RNF125: variants seen among roughly 807,000 people sequenced by gnomAD.
RNF125 encodes ring finger protein 125.
In RNF125, 21 loss-of-function variants were observed where a neutral mutation model predicts 26.0. That is an observed-to-expected ratio of 0.81 (90% CI 0.57 to 1.16). The LOEUF (loss-of-function observed/expected upper bound fraction) is 1.16. Ranked by LOEUF, RNF125 falls within the 50% of genes most tolerant of loss-of-function variation. The pLI, the probability that RNF125 is intolerant of heterozygous loss-of-function variation, is 0.00. For missense variants in RNF125, 270 were observed against 299.4 expected (o/e 0.90, Z 0.72); for synonymous variants, 95 against 109.2 (o/e 0.87, Z 0.81).
chr18:32,034,688 A>G (rs563605550), intron 1 of RNF125, among the ~76,000 whole-genome samples: 182 of 152,048 alleles, frequency 1.2e-3, no homozygotes, highest in African/African-American at 4.2e-3. Flanking sequence ...TGAGGCGGGC[A>G]GATCACTTGA....
chr18:32,079,627 TAA>T, the RNF125 span, among the ~76,000 whole-genome samples: 16 of 152,192 alleles, frequency 1.1e-4, no homozygotes, highest in Non-Finnish European at 2.4e-4. Context: ...ATCTGATAAA[TAA>T]GTTAGTGAAT....
intron 4 of RNF125, among the ~76,000 whole-genome samples, chr18:32,061,630 T>A (rs1183882447): frequency 6.6e-6 from 1 of 152,202 alleles, no homozygotes; most frequent in Non-Finnish European, 1.5e-5. Flanking sequence ...GCTGTGATGC[T>A]CCTCCCTGCT....
At chr18:32,035,027 A>C (rs2039139258) in intron 1 of RNF125, among the ~76,000 whole-genome samples, 1 of 152,150 alleles carries the variant, frequency 6.6e-6, no homozygotes, top group Non-Finnish European at 1.5e-5. Flanking sequence ...TGAATCTGTC[A>C]TTATGTCACT....
chr18:32,074,107 A>C (rs936836941), downstream of RNF125, among the ~76,000 whole-genome samples: 1 of 152,232 alleles, frequency 6.6e-6, no homozygotes, highest in Non-Finnish European at 1.5e-5. Flanking sequence ...CCCAAATCCC[A>C]GTGCTCACCC....
chr18:32,030,888 A>G (rs2039086935), intron 1 of RNF125: 1 of 151,988 alleles, frequency 6.6e-6, no homozygotes, highest in African/African-American at 2.4e-5. Flanking sequence ...TTTTTTAGAG[A>G]TGGGGGTCTC....
intron 4 of RNF125, among the ~76,000 whole-genome samples, chr18:32,052,535 A>C (rs2039339211): frequency 6.6e-6 from 1 of 151,120 alleles, no homozygotes; most frequent in African/African-American, 2.4e-5. Flanking sequence ...TTGTACCTTG[A>C]TTTTAATTAC....
At chr18:32,019,062 C>A in intron 1 of RNF125, 35 bp downstream of exon 1, 1 of 1,603,278 alleles carries the variant, frequency 6.2e-7, no homozygotes, top group Non-Finnish European at 8.5e-7. Context: ...GCGCCCACCC[C>A]TAAGGAGGGC....
At chr18:32,085,945 A>G in the RNF125 span, among the ~76,000 whole-genome samples, 1 of 152,288 alleles carries the variant, frequency 6.6e-6, no homozygotes, top group South Asian at 2.1e-4. Context: ...ACAAATAACC[A>G]AAGAACCCAC....
At chr18:32,044,517 T>C (rs77392137) in intron 3 of RNF125, among the ~76,000 whole-genome samples, 1 of 152,206 alleles carries the variant, frequency 6.6e-6, no homozygotes, top group East Asian at 1.9e-4. Flanking sequence ...ATTCAGCGTG[T>C]ATCTTATACA....
At chr18:32,032,539 T>G (rs2039107758) in intron 1 of RNF125, among the ~76,000 whole-genome samples, 1 of 152,062 alleles carries the variant, frequency 6.6e-6, no homozygotes, top group Non-Finnish European at 1.5e-5. Context: ...TGTGATTTTT[T>G]TCCCCCCAAG....
the RNF125 span, among the ~76,000 whole-genome samples, chr18:32,080,407 G>A: frequency 6.6e-6 from 1 of 152,194 alleles, no homozygotes; most frequent in African/African-American, 2.4e-5. Flanking sequence ...TATGCAAGAA[G>A]GTCAAAGTCT....
intron 1 of RNF125, among the ~76,000 whole-genome samples, chr18:32,022,543 C>T (rs1049913013): frequency 3.3e-5 from 5 of 152,092 alleles, no homozygotes; most frequent in African/African-American, 4.8e-5. Flanking sequence ...GGGCCAGATG[C>T]TTGATGCTTT....
chr18:32,024,475 T>C (rs933109644), intron 1 of RNF125, among the ~76,000 whole-genome samples: 11 of 152,112 alleles, frequency 7.2e-5, no homozygotes, highest in Admixed American at 5.9e-4. Flanking sequence ...TTTAGAGATA[T>C]GATCTAAGAA....
At position 32,032,855 on chromosome 18, in the gene RNF125, A is replaced by G. The variant is rs58971242; in HGVS notation, c.165-4261A>G. ...GGCGACAGAGCAAGACATCTGGCAA[A>G]AAAAACCAAAAAAACCCAAAACAAA... On this transcript the variant is annotated intron_variant, in intron 1 of 5. Transcript: ENST00000217740. 5.3e-4 allele frequency among the ~76,000 whole-genome samples: 80 copies of G among 152,282 alleles called. No individual in the cohort carries two copies. In the East Asian group the frequency reaches 0.011, roughly 20 times the overall value.
At chr18:32,045,869 G>A in intron 4 of RNF125, 137 bp downstream of exon 4, 2 of 551,480 alleles carry the variant, frequency 3.6e-6, no homozygotes, top group Non-Finnish European at 6.4e-6. Flanking sequence ...CTCTGTGACT[G>A]TTTACAATGT....
intron 4 of RNF125, among the ~76,000 whole-genome samples, chr18:32,051,026 A>G (rs972591978): frequency 4.0e-5 from 6 of 151,324 alleles, no homozygotes; most frequent in Non-Finnish European, 8.8e-5. Flanking sequence ...CCTGGCCTCA[A>G]AGTTCTCTTT....
chr18:32,041,958 A>G (rs1320507509), intron 2 of RNF125: 1 of 488,720 alleles, frequency 2.0e-6, no homozygotes, highest in Non-Finnish European at 3.7e-6. Context: ...AACCAAATTC[A>G]AGAACTTAAC....
chr18:32,029,033 T>C (rs1296208741), intron 1 of RNF125, among the ~76,000 whole-genome samples: 1 of 152,174 alleles, frequency 6.6e-6, no homozygotes, highest in Non-Finnish European at 1.5e-5. Flanking sequence ...GGAACAGATA[T>C]TATTTCTTAT....
the RNF125 span, among the ~76,000 whole-genome samples, chr18:32,079,547 C>CT: frequency 1.3e-5 from 2 of 152,210 alleles, no homozygotes; most frequent in East Asian, 1.9e-4. Context: ...AGCCCTGTGT[C>CT]TAAATTTGTG....
Sources: gnomAD v4.1 joint callset for allele counts (sites outside exome capture counted in the v4.1 genomes callset) on GRCh38, gnomAD v4.1.1 for gene constraint, MANE v1.5 for transcripts, NCBI Gene and HGNC (gene_info 2026-07-23, HGNC 2026-07-21) for gene names.